The following CDYL2 variants were observed in gnomAD, a reference collection of about 807,000 sequenced individuals.
The protein encoded by CDYL2 is chromodomain Y like 2.
In CDYL2, 23 loss-of-function variants were observed where a neutral mutation model predicts 49.4. The observed-to-expected ratio is 0.47, with a 90% CI of 0.34 to 0.66. The LOEUF is 0.66. Ranked by LOEUF, CDYL2 falls within the 30% of genes least tolerant of loss-of-function variation. CDYL2 has a pLI of 0.01. For missense variants in CDYL2, 678 were observed against 656.4 expected (o/e 1.03, Z -0.36); for synonymous variants, 360 against 268.8 (o/e 1.34, Z -3.32).
chr16:80,702,102 C>T (rs1483372844), intron 1 of CDYL2, among the ~76,000 whole-genome samples: 1 of 151,894 alleles, frequency 6.6e-6, no homozygotes, highest in East Asian at 1.9e-4. Context: ...GAAACAAACC[C>T]CCACTTCACA....
chr16:80,711,276 G>A (rs1423291654), intron 1 of CDYL2, among the ~76,000 whole-genome samples: 4 of 152,128 alleles, frequency 2.6e-5, no homozygotes, highest in Admixed American at 6.5e-5. Flanking sequence ...AAAATCAACC[G>A]CCCAATAGAT....
In CDYL2 at chr16:80,612,607, G is replaced by T; in HGVS notation, c.1218+19C>A. 1 of 1,584,870 alleles carries T rather than the reference G, an allele frequency of 6.3e-7. No individual in the cohort carries two copies. The highest frequency in any genetic ancestry group is 8.6e-7 in the Non-Finnish European group (1 of 1,165,052). ...AGGATCCTGCTGGGACCCGAATCCA[G>T]GTATCACAGGAGGCTTACCAGCGCG... On this transcript the variant is annotated intron_variant, in intron 5 of 6. Transcript: ENST00000570137. This position sits in a 1 kb window ranked among gnomAD's most constrained non-coding sequence, Gnocchi z 5.0.
chr16:80,788,903 A>G (rs1907520892), intron 1 of CDYL2, among the ~76,000 whole-genome samples: 1 of 152,210 alleles, frequency 6.6e-6, no homozygotes, highest in African/African-American at 2.4e-5. Flanking sequence ...CAAGAAAAAA[A>G]CAAACAACTA....
At chr16:80,778,335 A>G (rs1203013605) in intron 1 of CDYL2, among the ~76,000 whole-genome samples, 3 of 152,016 alleles carry the variant, frequency 2.0e-5, no homozygotes, top group East Asian at 1.9e-4. Flanking sequence ...ATATAAAATT[A>G]TAACTGACAG....
intron 2 of CDYL2, among the ~76,000 whole-genome samples, chr16:80,676,192 A>C (rs1325768535): frequency 1.3e-5 from 2 of 152,212 alleles, no homozygotes; most frequent in Non-Finnish European, 2.9e-5. Flanking sequence ...AAAGGGTTTT[A>C]AGTTAGTTCA....
intron 2 of CDYL2, among the ~76,000 whole-genome samples, chr16:80,641,209 G>GA (rs1318547596): frequency 2.0e-5 from 3 of 151,956 alleles, no homozygotes; most frequent in Non-Finnish European, 2.9e-5. Context: ...AAAGCAGCAA[G>GA]AAAAAAGAAA....
chr16:80,711,659 G>A (rs1048036426), intron 1 of CDYL2, among the ~76,000 whole-genome samples: 1 of 152,102 alleles, frequency 6.6e-6, no homozygotes, highest in African/African-American at 2.4e-5. Context: ...CTTCAGAAAT[G>A]TAGGGATAAC....
intron 3 of CDYL2, among the ~76,000 whole-genome samples, chr16:80,621,235 G>C (rs911200606): frequency 1.3e-5 from 2 of 152,238 alleles, no homozygotes; most frequent in African/African-American, 2.4e-5. Flanking sequence ...TCAATCCTTG[G>C]TAAATCTCTG....
chr16:80,675,182 C>T (rs763232248), intron 2 of CDYL2, among the ~76,000 whole-genome samples: 50 of 152,178 alleles, frequency 3.3e-4, no homozygotes, highest in Non-Finnish European at 6.9e-4. Context: ...TTGGCTTCAA[C>T]CTGAATCCCT....
At chr16:80,679,711 A>G in intron 2 of CDYL2, 1 of 456,126 alleles carries the variant, frequency 2.2e-6, no homozygotes, top group South Asian at 1.5e-5. Context: ...GAGCACAAGC[A>G]CTTCAAGTTT....
chr16:80,710,297 CTTAT>C (rs1230186218), intron 1 of CDYL2, among the ~76,000 whole-genome samples: 1 of 152,144 alleles, frequency 6.6e-6, no homozygotes, highest in East Asian at 1.9e-4. Flanking sequence ...TCTTCCATGG[CTTAT>C]TTAATTTTTA....
chr16:80,799,082 C>A (rs1332947412), intron 1 of CDYL2, among the ~76,000 whole-genome samples: 2 of 151,170 alleles, frequency 1.3e-5, no homozygotes, highest in African/African-American at 4.9e-5. Flanking sequence ...GAATATGTAC[C>A]CAGTATCCCG....
intron 2 of CDYL2, chr16:80,679,802 T>G (rs1262088350): frequency 2.2e-6 from 1 of 455,604 alleles, no homozygotes. Context: ...TCTAGAGCAG[T>G]AGTTCTGAAA....
intron 1 of CDYL2, among the ~76,000 whole-genome samples, chr16:80,695,353 T>C (rs1910577446): frequency 6.6e-6 from 1 of 152,210 alleles, no homozygotes; most frequent in African/African-American, 2.4e-5. Context: ...AAACAAAGGC[T>C]ATACAAAACA....
At chr16:80,733,035 A>T (rs1248773316) in intron 1 of CDYL2, among the ~76,000 whole-genome samples, 1 of 152,246 alleles carries the variant, frequency 6.6e-6, no homozygotes, top group African/African-American at 2.4e-5. Context: ...CACAGAAAAG[A>T]GTGACTGTTA....
intron 1 of CDYL2, among the ~76,000 whole-genome samples, chr16:80,710,122 T>C (rs1904544891): frequency 2.0e-5 from 3 of 152,090 alleles, no homozygotes. Context: ...CAGACGGGGA[T>C]TTCGCCATGT....
rs1402019146 is a variant in CDYL2, at chr16:80,795,805, G to A, written c.24+8345C>T. On this transcript the variant is annotated intron_variant, in intron 1 of 6. Transcript: ENST00000570137. ...TCTAGTCTAAGACCCAGAGCTCTACGCTTGCCCCTCATTACACATGCATAC... is the reference window on the plus strand; with the variant it reads ...TCTAGTCTAAGACCCAGAGCTCTACACTTGCCCCTCATTACACATGCATAC... Among the ~76,000 whole-genome samples, 5 of 152,190 alleles carry A rather than the reference G, an allele frequency of 3.3e-5. No individual in the cohort carries two copies. The East Asian group carries it at 7.7e-4, about 23-fold the overall frequency.
intron 2 of CDYL2, among the ~76,000 whole-genome samples, chr16:80,648,550 C>CT (rs1489045339): frequency 6.6e-6 from 1 of 152,042 alleles, no homozygotes; most frequent in Non-Finnish European, 1.5e-5. Flanking sequence ...AATGTCTTCA[C>CT]TGTTGAATTC....
intron 1 of CDYL2, among the ~76,000 whole-genome samples, chr16:80,782,107 T>G (rs1461867051): frequency 2.6e-5 from 4 of 151,962 alleles, no homozygotes; most frequent in African/African-American, 9.7e-5. Flanking sequence ...GTCTATTCTT[T>G]GGAAAGACCA....
Sources: gnomAD v4.1 joint callset for allele counts (sites outside exome capture counted in the v4.1 genomes callset) on GRCh38, gnomAD v4.1.1 for gene constraint, Gnocchi (gnomAD v3.1) non-coding constraint, MANE v1.5 for transcripts, NCBI Gene and HGNC (gene_info 2026-07-23, HGNC 2026-07-21) for gene names.